CERS6: variants seen among roughly 807,000 people sequenced by gnomAD.
CERS6 encodes LAG1 homolog, ceramide synthase 6.
CERS6 carries 26 observed loss-of-function variants against 56.8 expected under a neutral mutation model. That is an observed-to-expected ratio of 0.46 (90% CI 0.34 to 0.63). CERS6 has a LOEUF of 0.63. Ranked by LOEUF, CERS6 falls within the 30% of genes least tolerant of loss-of-function variation. The pLI, the probability that CERS6 is intolerant of heterozygous loss-of-function variation, is 0.01. For missense variants in CERS6, 415 were observed against 467.5 expected, an observed-to-expected ratio of 0.89 and a Z score of 1.04; for synonymous variants, 164 against 173.3, an observed-to-expected ratio of 0.95 and a Z score of 0.42.
intron 6 of CERS6, among the ~76,000 whole-genome samples, chr2:168,704,768 G>A (rs1390764202): frequency 2.6e-5 from 4 of 152,046 alleles, no homozygotes; most frequent in East Asian, 1.9e-4. Context: ...CACCACACCC[G>A]GCTAATTTTT....
intron 8 of CERS6, among the ~76,000 whole-genome samples, chr2:168,746,798 TATATATATATATATATATATATAA>T (rs1477569343): frequency 0.017 from 1,878 of 110,408 alleles, 99 homozygotes; most frequent in African/African-American, 0.057. Flanking sequence ...TATATATATA[TATATATATATATATATATATATAA>T]AATCATCTTT....
At chr2:168,689,745 G>A (rs965169992) in intron 4 of CERS6, among the ~76,000 whole-genome samples, 1 of 152,170 alleles carries the variant, frequency 6.6e-6, no homozygotes, top group African/African-American at 2.4e-5. Context: ...GCCTAATTAA[G>A]ATCTCGGAAA....
Position 168,715,060 on chromosome 2 carries a change from T to C in CERS6, c.669T>C (p.Tyr223=). The C allele has an allele frequency of 1.2e-6, 2 of 1,612,432 alleles. No homozygotes were observed. The highest frequency in any genetic ancestry group is 1.7e-6 in the Non-Finnish European group (2 of 1,179,154). Residue 223 remains tyrosine, a synonymous_variant, in exon 7 of 10, where the codon TAT becomes TAC. Transcript: ENST00000305747. ...LVSIFLITFS[Y]VNNMARVGTL... ...CTATTTTCTTGATTACCTTTTCATA[T>C]GTCAACAATATGGCCCGAGTAGGAA...
At chr2:168,606,783 G>A (rs985661325) in intron 3 of CERS6, among the ~76,000 whole-genome samples, 1 of 152,178 alleles carries the variant, frequency 6.6e-6, no homozygotes, top group African/African-American at 2.4e-5. Context: ...AAATCATGGG[G>A]TTGGTTTCTC....
chr2:168,702,352 G>A (rs1046617307), intron 6 of CERS6, among the ~76,000 whole-genome samples: 1 of 152,068 alleles, frequency 6.6e-6, no homozygotes, highest in African/African-American at 2.4e-5. Flanking sequence ...GATAAACTGT[G>A]GTTATTCCAA....
rs17201806 is a variant in CERS6 at position 168,505,443 on chromosome 2, C to T, written c.171-42153C>T. Among the ~76,000 whole-genome samples the T allele has an allele frequency of 4.8e-3, 717 of 148,170 alleles. 5 individuals are homozygous for T. Among genetic ancestry groups the T allele is most frequent in the Admixed American group, 0.02 (305 of 14,922 alleles). On this transcript the variant is annotated intron_variant, in intron 1 of 9. Coordinates refer to ENST00000305747, the MANE Select transcript of CERS6 (RefSeq NM_203463.3). ...TGAGCCTGATGCTGCTCAAGGAAATCTCTCCCTATCAGATAGATAGAAGCA... is the reference window on the plus strand; with the variant it reads ...TGAGCCTGATGCTGCTCAAGGAAATTTCTCCCTATCAGATAGATAGAAGCA...
intron 1 of CERS6, among the ~76,000 whole-genome samples, chr2:168,517,969 G>A (rs965785122): frequency 9.2e-5 from 14 of 152,218 alleles, no homozygotes; most frequent in African/African-American, 3.4e-4. Flanking sequence ...AATAGTGTAT[G>A]ATGGCGATAG....
chr2:168,594,709 G>A (rs1683755585), intron 3 of CERS6, among the ~76,000 whole-genome samples: 2 of 152,140 alleles, frequency 1.3e-5, no homozygotes, highest in Admixed American at 1.3e-4. Context: ...GCCCAACTCA[G>A]GTCATGTTAT....
chr2:168,517,975 G>A (rs1010743361), intron 1 of CERS6, among the ~76,000 whole-genome samples: 5 of 152,206 alleles, frequency 3.3e-5, no homozygotes, highest in African/African-American at 7.2e-5. Flanking sequence ...GTATGATGGC[G>A]ATAGAGCAGA....
chr2:168,482,363 T>A (rs1198113386), intron 1 of CERS6, among the ~76,000 whole-genome samples: 1 of 152,234 alleles, frequency 6.6e-6, no homozygotes, highest in East Asian at 1.9e-4. Flanking sequence ...TCTGTGCAGT[T>A]GTTGAAGCCA....
Position 168,706,119 on chromosome 2 carries a change from ACTAT to A in CERS6, c.610-8878_610-8875del, listed in dbSNP as rs377209774. ...GAAAGACATATGTACAATTAAGAAA[ACTAT>A]CTACATCATTTGAAAGCAGAGTGTA... On this transcript the variant is annotated intron_variant, in intron 6 of 9. Transcript: ENST00000305747. Among the ~76,000 whole-genome samples, 530 of 152,282 alleles carry A rather than the reference ACTAT, an allele frequency of 3.5e-3. 3 individuals are homozygous for A. The highest frequency in any genetic ancestry group is 0.012 in the African/African-American group (508 of 41,562).
intron 2 of CERS6, among the ~76,000 whole-genome samples, chr2:168,559,642 ATGTGGGTTTCAACATACAAATTT>A (rs1695748164): frequency 1.3e-5 from 2 of 150,038 alleles, no homozygotes; most frequent in African/African-American, 4.9e-5. Flanking sequence ...CACAATGGGC[ATGTGGGTTTCAACATACAAATTT>A]TGGGGAGCGC....
At chr2:168,603,550 G>A (rs552122628) in intron 3 of CERS6, among the ~76,000 whole-genome samples, 1 of 152,346 alleles carries the variant, frequency 6.6e-6, no homozygotes, top group Non-Finnish European at 1.5e-5. Context: ...GGCCGTACCA[G>A]ATTTCACCGA....
intron 3 of CERS6, among the ~76,000 whole-genome samples, chr2:168,626,490 C>T (rs186056165): frequency 6.0e-4 from 92 of 152,256 alleles, no homozygotes; most frequent in Middle Eastern, 3.4e-3. Flanking sequence ...TAACAAAGAG[C>T]CCTGTTCAAC....
chr2:168,656,662 C>T (rs891930993), intron 4 of CERS6, among the ~76,000 whole-genome samples: 21 of 152,046 alleles, frequency 1.4e-4, no homozygotes, highest in Admixed American at 3.9e-4. Flanking sequence ...ATAAAAGCAG[C>T]GTGGACCCAA....
intron 1 of CERS6, among the ~76,000 whole-genome samples, chr2:168,540,487 A>G (rs561696463): frequency 5.9e-5 from 9 of 152,338 alleles, no homozygotes; most frequent in Non-Finnish European, 1.3e-4. Flanking sequence ...ATTCACTACA[A>G]TAATGGTAAT....
chr2:168,697,891 G>C (rs1559056927), intron 6 of CERS6, among the ~76,000 whole-genome samples: 1 of 152,178 alleles, frequency 6.6e-6, no homozygotes, highest in Non-Finnish European at 1.5e-5. Flanking sequence ...CCAAGTCCCT[G>C]CACTAGCTTG....
chr2:168,601,309 A>C (rs1293883186), intron 3 of CERS6, among the ~76,000 whole-genome samples: 1 of 152,194 alleles, frequency 6.6e-6, no homozygotes, highest in African/African-American at 2.4e-5. Flanking sequence ...TGTGACTCTC[A>C]GTGCAACAGA....
chr2:168,615,046 A>C (rs757987857), intron 3 of CERS6, among the ~76,000 whole-genome samples: 186 of 152,248 alleles, frequency 1.2e-3, no homozygotes, highest in African/African-American at 4.3e-3. Flanking sequence ...CACAGGACCC[A>C]GTGTAGACAA....
Sources: allele counts gnomAD v4.1 joint callset (sites outside exome capture counted in the v4.1 genomes callset), GRCh38; gene constraint gnomAD v4.1.1; transcripts MANE v1.5; gene names NCBI Gene and HGNC (gene_info 2026-07-23, HGNC 2026-07-21).